The following CFAP251 variants were observed in gnomAD, a reference collection of about 807,000 sequenced individuals.
CFAP251 encodes cilia and flagella associated protein 251.
CFAP251 carries 93 observed loss-of-function variants against 126.7 expected under a neutral mutation model. The ratio of observed to expected loss-of-function variants is 0.73; its 90% confidence interval spans 0.62 to 0.87. The LOEUF (loss-of-function observed/expected upper bound fraction) is 0.87, where lower values mean the gene tolerates loss of function less well. CFAP251 is among the 40% of genes least tolerant of loss of function. The pLI, the probability that CFAP251 is intolerant of heterozygous loss-of-function variation, is 0.00. For missense variants in CFAP251, 1,287 were observed against 1,389.2 expected (o/e 0.93, Z 1.17); for synonymous variants, 503 against 506.9 (o/e 0.99, Z 0.10).
At position 121,923,635 on chromosome 12, in the gene CFAP251, G is replaced by T. The variant is rs764769957; in HGVS notation, c.392G>T (p.Gly131Val). 6 of 1,607,234 alleles carry T rather than the reference G, an allele frequency of 3.7e-6. No individual in the cohort carries two copies. The South Asian group carries it at 5.6e-5, about 15-fold the overall frequency. ...TTCTTTTTAAAGAAAACCCAAAGAG[G>T]TAGCAAGTCAAAGCTTTCCTTACAA... is the stretch of plus-strand genomic sequence containing the variant. ...TSGIFPKTQR[G>V]SKSKLSLQLE... is the part of the protein sequence containing the mutation. Residue 131 changes from glycine to valine, a missense_variant, in exon 3 of 22, where the codon GGT becomes GTT. By Grantham distance (109) the Gly-to-Val change is moderately radical (BLOSUM62 -3). Coordinates refer to ENST00000288912, the MANE Select transcript of CFAP251 (RefSeq NM_144668.6).
chr12:121,954,865 A>G (rs1476610829), intron 10 of CFAP251, among the ~76,000 whole-genome samples: 1 of 152,102 alleles, frequency 6.6e-6, no homozygotes, highest in East Asian at 1.9e-4. Flanking sequence ...CATTATGTTT[A>G]AAAAATCCCT....
At position 121,989,079 on chromosome 12, in the gene CFAP251, G is replaced by C. The variant is rs1164311657; in HGVS notation, c.3007-10637G>C. Among the ~76,000 whole-genome samples, 1 of 152,156 alleles carries C rather than the reference G, an allele frequency of 6.6e-6. No individual in the cohort carries two copies. The highest frequency in any genetic ancestry group is 1.5e-5 in the Non-Finnish European group (1 of 68,030). On this transcript the variant is annotated intron_variant, in intron 19 of 21. Coordinates refer to ENST00000288912, the MANE Select transcript of CFAP251 (RefSeq NM_144668.6). This position sits in a 1 kb window ranked among gnomAD's most constrained non-coding sequence, Gnocchi z 4.2. Reference sequence around the variant, plus strand: ...GAGCTAGGAACCATCTGGGGCTTTAGGGTGCATGAGGCAGGATCAGGATTT... The same window carrying C: ...GAGCTAGGAACCATCTGGGGCTTTACGGTGCATGAGGCAGGATCAGGATTT...
chr12:121,967,192 C>T (rs1442924822), intron 16 of CFAP251, 123 bp downstream of exon 16: 3 of 827,810 alleles, frequency 3.6e-6, no homozygotes, highest in Non-Finnish European at 5.9e-6. Flanking sequence ...TGCTTCCACC[C>T]CAGTCAGCTG....
Position 121,974,976 on chromosome 12 carries a change from C to G in CFAP251, c.2772-268C>G, listed in dbSNP as rs1057054587. Reference sequence around the variant, plus strand: ...AGACATGTTCCCCAAAGATTGCAGACAAATTGCCAAGCACCTGCCCTGTCA... The same window carrying G: ...AGACATGTTCCCCAAAGATTGCAGAGAAATTGCCAAGCACCTGCCCTGTCA... On this transcript the variant is annotated intron_variant, in intron 17 of 21. Coordinates refer to ENST00000288912, the MANE Select transcript of CFAP251 (RefSeq NM_144668.6). This position sits in a 1 kb window ranked among gnomAD's most constrained non-coding sequence, Gnocchi z 4.6. 2.0e-5 allele frequency among the ~76,000 whole-genome samples: 3 copies of G among 152,180 alleles called. No homozygotes were observed. Among genetic ancestry groups the G allele is most frequent in the Non-Finnish European group, 2.9e-5 (2 of 68,038 alleles).
rs369398631 is a variant in CFAP251, at chr12:121,954,897, G to A, written c.1535+563G>A. ...CCCTTTGTGTCGATGAAACAAAAAG[G>A]AACTAGATTTTTTCTTCTGTGCTAA... On this transcript the variant is annotated intron_variant, in intron 10 of 21. Transcript: ENST00000288912. 1.4e-4 allele frequency among the ~76,000 whole-genome samples: 21 copies of A among 152,200 alleles called. No homozygotes were observed. The South Asian group carries it at 3.5e-3, about 26-fold the overall frequency.
At chr12:121,975,502 G>T in intron 18 of CFAP251, 40 bp from the exon 19 acceptor site, 1 of 1,604,018 alleles carries the variant, frequency 6.2e-7, no homozygotes. Context: ...TCAGACTTAA[G>T]CCTAAATGTG....
In CFAP251 at chr12:121,957,258, T is replaced by C; in HGVS notation, c.1720T>C (p.Phe574Leu). The change falls in exon 11 of 22, where the codon TTT (phenylalanine) becomes CTT (leucine). Residue 574 changes from phenylalanine to leucine, a missense_variant. Transcript: ENST00000288912. ...TGACTGCACTTTAAAAGGTGACCTT[T>C]TTGTCTTAAGGTAAGTTGTTAATGA... ...PPDCTLKGDL[F>L]VLRNFIIGTS... The C allele has an allele frequency of 6.2e-7, 1 of 1,609,518 alleles. No individual in the cohort carries two copies. Among genetic ancestry groups the C allele is most frequent in the Non-Finnish European group, 8.5e-7 (1 of 1,178,590 alleles).
chr12:121,963,751 C>T (rs1262097010), intron 15 of CFAP251, among the ~76,000 whole-genome samples: 1 of 150,750 alleles, frequency 6.6e-6, no homozygotes, highest in Non-Finnish European at 1.5e-5. Context: ...TAACTATTCT[C>T]CCACCGAGCT....
At position 121,987,135 on chromosome 12, in the gene CFAP251, CGA is replaced by C. The variant is rs777543650; in HGVS notation, c.3006+11452_3006+11453del. On this transcript the variant is annotated intron_variant, in intron 19 of 21. Transcript: ENST00000288912. ...ACAATTTCTGTTCTGATAAAGACCCCGAGGGAATTTGGAAATTTGCACTTTGA... is the reference window on the plus strand; with the variant it reads ...ACAATTTCTGTTCTGATAAAGACCCCGGGAATTTGGAAATTTGCACTTTGA... Among the ~76,000 whole-genome samples, 3 of 152,096 alleles carry C rather than the reference CGA, an allele frequency of 2.0e-5. No homozygotes were observed. The East Asian group carries it at 5.8e-4, about 29-fold the overall frequency.
At chr12:121,919,905 C>T (rs759910021) in intron 1 of CFAP251, among the ~76,000 whole-genome samples, 8 of 152,096 alleles carry the variant, frequency 5.3e-5, no homozygotes, top group African/African-American at 9.7e-5. Context: ...TTCCCAGCTG[C>T]GCGTGATGGC....
chr12:121,962,127 A>T lies in CFAP251; in HGVS notation c.2457A>T (p.Lys819Asn). ...LFLLICNSGY[K>N]VKLFNATTKM... is the part of the protein sequence containing the mutation. The stretch of plus-strand genomic sequence containing the variant: ...TGCTTATTTGCAACAGTGGCTACAA[A>T]GTGAAGCTTTTTAATGCTACTACCA... Residue 819 changes from lysine (K) to asparagine (N), a missense_variant, in exon 15 of 22, where the codon AAA (lysine) becomes AAT (asparagine). Lys to Asn is a moderately conservative substitution (Grantham distance 94, BLOSUM62 0). Coordinates refer to ENST00000288912, the MANE Select transcript of CFAP251 (RefSeq NM_144668.6). 1.2e-6 allele frequency: 2 copies of T among 1,613,826 alleles called. No individual in the cohort carries two copies.
rs79253327 is a variant in CFAP251 at position 121,980,060 on chromosome 12, T to C, written c.3006+4375T>C. On this transcript the variant is annotated intron_variant, in intron 19 of 21. Transcript: ENST00000288912. ...GTCTCCCTCCGTGTCCGGCCCCCAG[T>C]CCACATCCAGTGGGATTCAATGCCA... 1.3e-3 allele frequency among the ~76,000 whole-genome samples: 192 copies of C among 152,294 alleles called. 5 individuals carry two copies. The East Asian group carries it at 0.035, about 28-fold the overall frequency.
Position 121,989,185 on chromosome 12 carries a change from C to T in CFAP251, c.3007-10531C>T, listed in dbSNP as rs146557023. 7.0e-4 allele frequency among the ~76,000 whole-genome samples: 106 copies of T among 152,368 alleles called. No individual in the cohort carries two copies. Among genetic ancestry groups the T allele is most frequent in the African/African-American group, 2.3e-3 (95 of 41,582 alleles). Reference sequence around the variant, plus strand: ...TGCAAGACTTGTCATTCAGCTAGGACTGTCTCTTTCAGACCTTTGAAAACA... The same window carrying T: ...TGCAAGACTTGTCATTCAGCTAGGATTGTCTCTTTCAGACCTTTGAAAACA... On this transcript the variant is annotated intron_variant, in intron 19 of 21. Transcript: ENST00000288912. The surrounding 1 kb of genome is among the most constrained non-coding windows in gnomAD (Gnocchi z 4.2).
chr12:121,932,064 T>C (rs1448605461), intron 4 of CFAP251, 178 bp downstream of exon 4: 1 of 487,934 alleles, frequency 2.0e-6, no homozygotes, highest in African/African-American at 2.0e-5. Context: ...TCTCTCTGTT[T>C]CTAATCAGAA....
At chr12:121,920,223 T>C in intron 1 of CFAP251, among the ~76,000 whole-genome samples, 1 of 3,028 alleles carries the variant, frequency 3.3e-4, no homozygotes, top group Non-Finnish European at 6.3e-4. Context: ...CAAATGTGAC[T>C]TTTTTTTTTT....
rs757003966 is a variant in CFAP251, at chr12:122,001,493, A to G, written c.3236-4A>G. 6.2e-7 allele frequency: 1 copy of G among 1,613,240 alleles called. No homozygotes were observed. The highest frequency in any genetic ancestry group is 1.7e-5 in the Admixed American group (1 of 60,006). On this transcript the variant is annotated splice_polypyrimidine_tract_variant and splice_region_variant and intron_variant, in intron 20 of 21. Coordinates refer to ENST00000288912, the MANE Select transcript of CFAP251 (RefSeq NM_144668.6). The stretch of plus-strand genomic sequence containing the variant: ...CAATCACCTTCTCACTCTTTGACAC[A>G]CAGGTGAGCATATGACGGAGGAGGA...
In CFAP251 at chr12:121,967,999, T is replaced by C; in HGVS notation, c.2608-7T>C. The C allele has an allele frequency of 6.3e-7, 1 of 1,593,414 alleles. No individual in the cohort carries two copies. The highest frequency in any genetic ancestry group is 8.6e-7 in the Non-Finnish European group (1 of 1,163,516). On this transcript the variant is annotated splice_polypyrimidine_tract_variant and splice_region_variant and intron_variant, in intron 16 of 21. Transcript: ENST00000288912. ...GTCTGAATATCCAATTATGTGTTCCTTTCTAGGTGGGACTTCAGATCTTAC... is the reference window on the plus strand; with the variant it reads ...GTCTGAATATCCAATTATGTGTTCCCTTCTAGGTGGGACTTCAGATCTTAC...
chr12:121,947,652 A>ATCT (rs1881370205), intron 7 of CFAP251: 1 of 152,128 alleles, frequency 6.6e-6, no homozygotes, highest in Non-Finnish European at 1.5e-5. Context: ...TGTTTTTTAA[A>ATCT]GTGTAGAAAT....
rs754046262 is a variant in CFAP251 at position 121,923,806 on chromosome 12, G to C, written c.563G>C (p.Arg188Pro). Residue 188 changes from arginine (R) to proline (P), a missense_variant, in exon 3 of 22, where the codon CGG becomes CCG. Transcript: ENST00000288912. Reference sequence around the variant, plus strand: ...GGAGAGCTTGAGGAGAAAACCGACCGGATGCCCCAAGATGAACTGGGACAA... The same window carrying C: ...GGAGAGCTTGAGGAGAAAACCGACCCGATGCCCCAAGATGAACTGGGACAA... Reference protein sequence around the residue: ...PSGELEEKTDRMPQDELGQER... With the variant: ...PSGELEEKTDPMPQDELGQER... The C allele has an allele frequency of 3.1e-6, 5 of 1,613,996 alleles. No individual in the cohort carries two copies. In the African/African-American group the frequency reaches 4.0e-5, roughly 13 times the overall value.
Sources: gnomAD v4.1 joint callset for allele counts (sites outside exome capture counted in the v4.1 genomes callset) on GRCh38, gnomAD v4.1.1 for gene constraint, Gnocchi (gnomAD v3.1) non-coding constraint, MANE v1.5 for transcripts, NCBI Gene and HGNC (gene_info 2026-07-23, HGNC 2026-07-21) for gene names.